Variants in BBX observed in about 807,000 individuals in gnomAD.
The protein encoded by BBX is BBX high mobility group box domain containing, also known as HMG box transcription factor BBX.
Under a neutral mutation model 100.2 loss-of-function variants are expected in BBX, and 30 were observed. The ratio of observed to expected loss-of-function variants is 0.30; its 90% CI spans 0.22 to 0.41. BBX has a LOEUF of 0.41. BBX is among the 10% of genes least tolerant of loss of function. BBX has a pLI of 1.00. For missense variants in BBX, 1,023 were observed against 1,129.8 expected, an observed-to-expected ratio of 0.91 and a Z score of 1.35; for synonymous variants, 376 against 388.1, an observed-to-expected ratio of 0.97 and a Z score of 0.37.
chr3:107,712,931 G>T lies in BBX; in HGVS notation c.162+2309G>T, dbSNP rs185414673. 2.6e-4 allele frequency among the ~76,000 whole-genome samples: 39 copies of T among 152,198 alleles called. 1 individual carries two copies. Among genetic ancestry groups the T allele is most frequent in the Non-Finnish European group, 5.0e-4 (34 of 68,002 alleles). On this transcript the variant is annotated intron_variant, in intron 4 of 17. Coordinates refer to ENST00000325805, the MANE Select transcript of BBX (RefSeq NM_001142568.3). Reference sequence around the variant, plus strand: ...CTTCTCTTTTCACTCACACTCAGTGGTCTAGTCCATACTTTTAGTCTTAGC... The same window carrying T: ...CTTCTCTTTTCACTCACACTCAGTGTTCTAGTCCATACTTTTAGTCTTAGC...
chr3:107,740,835 C>T (rs1156694368), intron 7 of BBX, among the ~76,000 whole-genome samples: 1 of 151,646 alleles, frequency 6.6e-6, no homozygotes, highest in Non-Finnish European at 1.5e-5. Context: ...CTCCGTCCTC[C>T]TGTAGACCTT....
intron 12 of BBX, among the ~76,000 whole-genome samples, 162 bp from the exon 13 acceptor site, chr3:107,778,209 C>A (rs111673495): frequency 3.3e-5 from 5 of 152,172 alleles, no homozygotes; most frequent in African/African-American, 1.2e-4. Context: ...GTTGGTAAAT[C>A]TCAAGCATTT....
intron 2 of BBX, among the ~76,000 whole-genome samples, chr3:107,588,372 G>C (rs2053026417): frequency 6.6e-6 from 1 of 151,988 alleles, no homozygotes; most frequent in Admixed American, 6.6e-5. Flanking sequence ...GAATAATGGA[G>C]TGATGTGTGT....
chr3:107,623,847 A>T (rs971522150), intron 2 of BBX, among the ~76,000 whole-genome samples: 12 of 152,192 alleles, frequency 7.9e-5, no homozygotes, highest in Non-Finnish European at 1.5e-4. Flanking sequence ...TTCACTTAGT[A>T]TTCATAAATA....
chr3:107,605,034 G>A (rs1489206116), intron 2 of BBX, among the ~76,000 whole-genome samples: 2 of 152,096 alleles, frequency 1.3e-5, no homozygotes. Flanking sequence ...TTATTTTAAT[G>A]TTTGTATTCA....
chr3:107,564,459 G>A lies in BBX; in HGVS notation c.-84+38061G>A, dbSNP rs146591507. ...TTTTTGAACTATAAGAAACTCTTTC[G>A]TATACCAGTGTCATTGATATAGGTT... is the stretch of plus-strand genomic sequence containing the variant. On this transcript the variant is annotated intron_variant, in intron 2 of 17. Transcript: ENST00000325805. Among the ~76,000 whole-genome samples, 789 of 151,954 alleles carry A rather than the reference G, an allele frequency of 5.2e-3. 6 individuals are homozygous for A. The highest frequency in any genetic ancestry group is 0.018 in the African/African-American group (745 of 41,432).
rs761674610 is a variant in BBX, at chr3:107,810,348, A to G, written c.*4891A>G. ...GTTTTCTTTTTGCAGTCAGTGGTCA[A>G]AACTGATCATGTGCTTAAATCGATT... On this transcript the variant is annotated 3_prime_UTR_variant, in exon 18 of 18. Transcript: ENST00000325805. 3 of 152,202 alleles carry G rather than the reference A, an allele frequency of 2.0e-5. No homozygotes were observed. Among genetic ancestry groups the G allele is most frequent in the Non-Finnish European group, 4.4e-5 (3 of 68,036 alleles). The allele number at this position is 152,202 out of a possible 1,614,324, so 9.4% of individuals were successfully genotyped here. A position where few individuals can be genotyped will look rare whatever the true frequency, so the allele number is the denominator to read the frequency against.
chr3:107,555,627 G>T (rs2050039270), intron 2 of BBX, among the ~76,000 whole-genome samples: 1 of 152,182 alleles, frequency 6.6e-6, no homozygotes, highest in Admixed American at 6.5e-5. Flanking sequence ...CGGTTAGAAA[G>T]ATGTGAGTTA....
chr3:107,732,931 G>A, intron 6 of BBX, 25 bp from the exon 7 acceptor site: 1 of 1,588,744 alleles, frequency 6.3e-7, no homozygotes, highest in Non-Finnish European at 8.6e-7. Flanking sequence ...CTTATAAGTT[G>A]GTGATTTGTT....
intron 2 of BBX, among the ~76,000 whole-genome samples, chr3:107,551,030 C>T (rs2107423657): frequency 6.6e-6 from 1 of 152,026 alleles, no homozygotes; most frequent in East Asian, 1.9e-4. Flanking sequence ...GAGTTTAGCG[C>T]TATCTAAGTC....
At chr3:107,630,816 A>T (rs1323124608) in intron 2 of BBX, among the ~76,000 whole-genome samples, 2 of 152,116 alleles carry the variant, frequency 1.3e-5, no homozygotes, top group African/African-American at 4.8e-5. Flanking sequence ...AACTCCTAGA[A>T]ATACTCAACA....
At chr3:107,540,970 TAC>T (rs1339590167) in intron 2 of BBX, among the ~76,000 whole-genome samples, 1 of 152,212 alleles carries the variant, frequency 6.6e-6, no homozygotes, top group Non-Finnish European at 1.5e-5. Context: ...GTCATGCATA[TAC>T]TTGAGCATCA....
intron 3 of BBX, among the ~76,000 whole-genome samples, chr3:107,706,517 G>A (rs918842862): frequency 2.0e-5 from 3 of 151,922 alleles, no homozygotes; most frequent in African/African-American, 7.3e-5. Flanking sequence ...ATCATCATTT[G>A]ACAGTCTCAG....
chr3:107,584,118 TA>T (rs2052583069), intron 2 of BBX, among the ~76,000 whole-genome samples: 1 of 25,330 alleles, frequency 3.9e-5, no homozygotes, highest in African/African-American at 1.4e-4. Flanking sequence ...ATATTATATA[TA>T]ATATATATAT....
chr3:107,608,060 AC>A (rs2054578331), intron 2 of BBX, among the ~76,000 whole-genome samples: 1 of 151,652 alleles, frequency 6.6e-6, no homozygotes, highest in African/African-American at 2.4e-5. Flanking sequence ...AAACTTTTTG[AC>A]TTGATATGAT....
At chr3:107,666,590 G>A (rs532201043) in intron 3 of BBX, among the ~76,000 whole-genome samples, 6 of 151,984 alleles carry the variant, frequency 3.9e-5, no homozygotes, top group African/African-American at 7.2e-5. Flanking sequence ...TTTTTGAGAC[G>A]GAGTCTCGCT....
chr3:107,725,576 T>A (rs1015367612), intron 5 of BBX, among the ~76,000 whole-genome samples: 4 of 152,080 alleles, frequency 2.6e-5, no homozygotes, highest in Admixed American at 2.0e-4. Flanking sequence ...CAGAATATTG[T>A]CTTTTGTCAC....
At chr3:107,791,546 A>G (rs553866655) in intron 15 of BBX, among the ~76,000 whole-genome samples, 1 of 152,324 alleles carries the variant, frequency 6.6e-6, no homozygotes, top group East Asian at 1.9e-4. Flanking sequence ...AATCGCATTA[A>G]TCAGAGATTG....
chr3:107,798,984 A>G (rs1186343977), intron 16 of BBX, among the ~76,000 whole-genome samples: 5 of 151,900 alleles, frequency 3.3e-5, no homozygotes, highest in African/African-American at 1.2e-4. Context: ...CCCCATCTCT[A>G]CTAAAAATAC....
Sources: gnomAD v4.1 joint callset for allele counts (sites outside exome capture counted in the v4.1 genomes callset) on GRCh38, gnomAD v4.1.1 for gene constraint, MANE v1.5 for transcripts, NCBI Gene and HGNC (gene_info 2026-07-23, HGNC 2026-07-21) for gene names.